The following MRPS5 variants were observed in gnomAD, a reference collection of about 807,000 sequenced individuals.
The protein encoded by MRPS5 is small ribosomal subunit protein uS5m.
In MRPS5, 27 loss-of-function variants were observed where a neutral mutation model predicts 51.9. The ratio of observed to expected loss-of-function variants is 0.52; its 90% CI spans 0.38 to 0.72. The LOEUF (loss-of-function observed/expected upper bound fraction) is 0.72, where lower values mean the gene tolerates loss of function less well. MRPS5 is among the 30% of genes least tolerant of loss of function. MRPS5 has a pLI of 0.00. For synonymous variants in MRPS5, 196 were observed against 193.2 expected (o/e 1.01, Z -0.12); for missense variants, 570 against 545.7 (o/e 1.04, Z -0.44).
intron 10 of MRPS5, among the ~76,000 whole-genome samples, chr2:95,094,745 AG>A (rs1675571200): frequency 6.6e-6 from 1 of 152,262 alleles, no homozygotes; most frequent in African/African-American, 2.4e-5. Context: ...CAACATGGAA[AG>A]GAACAACCGG....
At chr2:95,121,712 C>A in intron 1 of MRPS5, 22 bp downstream of exon 1, 1 of 1,531,664 alleles carries the variant, frequency 6.5e-7, no homozygotes, top group Non-Finnish European at 8.7e-7. Flanking sequence ...AGAGCCCCTG[C>A]TCCCGGCGTC....
At position 95,087,298 on chromosome 2, in the gene MRPS5, G is replaced by A; in HGVS notation, c.*59C>T. 7.4e-7 allele frequency: 1 copy of A among 1,358,956 alleles called. No homozygotes were observed. The highest frequency in any genetic ancestry group is 1.0e-6 in the Non-Finnish European group (1 of 960,838). 84.2% of individuals were successfully genotyped at this position (1,358,956 alleles called of 1,614,324 possible). On this transcript the variant is annotated 3_prime_UTR_variant, in exon 12 of 12. Transcript: ENST00000272418. ...CAAGGTAACATCCCAAGCTGTGAGG[G>A]GCTGAGTCTCTCCTAGGTGCAGGGC...
At chr2:95,092,623 T>C (rs1675501183) in intron 10 of MRPS5, 1 of 152,176 alleles carries the variant, frequency 6.6e-6, no homozygotes, top group Non-Finnish European at 1.5e-5. Context: ...CCCCGATACA[T>C]AGGTAATGGT....
At chr2:95,101,638 C>A (rs769823232) in intron 8 of MRPS5, 39 bp downstream of exon 8, 1 of 1,529,230 alleles carries the variant, frequency 6.5e-7, no homozygotes, top group Non-Finnish European at 8.9e-7. Flanking sequence ...ACTTACTAAT[C>A]TTTTACTGAG....
intron 1 of MRPS5, 30 bp from the exon 2 acceptor site, chr2:95,117,975 T>A: frequency 1.3e-6 from 2 of 1,487,070 alleles, no homozygotes; most frequent in Non-Finnish European, 1.8e-6. Flanking sequence ...AAATTTAAGA[T>A]ACATTTCTAC....
At chr2:95,101,813 T>C (rs1043573782) in intron 7 of MRPS5, 90 bp from the exon 8 acceptor site, 2 of 768,452 alleles carry the variant, frequency 2.6e-6, no homozygotes, top group Non-Finnish European at 4.3e-6. Flanking sequence ...CCTACAATAT[T>C]TCACAGCACT....
At chr2:95,121,836 G>A (rs761532488), upstream of MRPS5, 1 of 1,502,510 alleles carries the variant, frequency 6.7e-7, no homozygotes, top group South Asian at 1.3e-5. Flanking sequence ...GGGCAGCCTT[G>A]CCCACCGCCT....
chr2:95,120,535 A>G (rs1455996293), intron 1 of MRPS5, among the ~76,000 whole-genome samples: 2 of 152,166 alleles, frequency 1.3e-5, no homozygotes, highest in Non-Finnish European at 2.9e-5. Flanking sequence ...TATACTAAAA[A>G]CCACTGAAAT....
intron 2 of MRPS5, among the ~76,000 whole-genome samples, chr2:95,116,260 C>T (rs1486615688): frequency 1.3e-5 from 2 of 151,024 alleles, no homozygotes; most frequent in Non-Finnish European, 2.9e-5. Context: ...TAACTTAATA[C>T]TAAATATTAA....
intron 11 of MRPS5, among the ~76,000 whole-genome samples, chr2:95,089,419 T>G (rs1347018588): frequency 2.0e-5 from 3 of 152,150 alleles, no homozygotes; most frequent in Non-Finnish European, 2.9e-5. Flanking sequence ...CTGGTTGTCT[T>G]TTCTGTTCAT....
At chr2:95,111,309 T>TA (rs1255723518) in intron 3 of MRPS5, among the ~76,000 whole-genome samples, 1 of 152,164 alleles carries the variant, frequency 6.6e-6, no homozygotes, top group Non-Finnish European at 1.5e-5. Context: ...CTCTAAGTGC[T>TA]AAAAAATGGT....
At chr2:95,087,651 A>C in intron 11 of MRPS5, 70 bp from the exon 12 acceptor site, 1 of 1,277,834 alleles carries the variant, frequency 7.8e-7, no homozygotes, top group Non-Finnish European at 1.1e-6. Flanking sequence ...AGGAACTTCC[A>C]CAGGCCACAA....
intron 4 of MRPS5, among the ~76,000 whole-genome samples, chr2:95,108,687 C>A (rs998662062): frequency 2.6e-5 from 4 of 152,158 alleles, no homozygotes; most frequent in African/African-American, 9.7e-5. Context: ...GCAACTAATA[C>A]AAATGTCCAG....
intron 10 of MRPS5, 93 bp downstream of exon 10, chr2:95,100,381 T>A: frequency 2.2e-6 from 2 of 910,428 alleles, no homozygotes; most frequent in East Asian, 2.5e-5. Context: ...CCAAGATGAG[T>A]TCAACTAAAG....
chr2:95,115,687 C>A (rs1033361907), intron 2 of MRPS5, among the ~76,000 whole-genome samples: 11 of 152,062 alleles, frequency 7.2e-5, no homozygotes, highest in African/African-American at 2.7e-4. Flanking sequence ...TATGTAAGAA[C>A]CTGGAAACAA....
At position 95,087,189 on chromosome 2, in the gene MRPS5, T is replaced by C. The variant is rs1675316014; in HGVS notation, c.*168A>G. ...GTAAAGGTTCTATCACATTGGCATA[T>C]AACATGTGCTCAACAAATGAAAGCT... On this transcript the variant is annotated 3_prime_UTR_variant, in exon 12 of 12. Coordinates refer to ENST00000272418, the MANE Select transcript of MRPS5 (RefSeq NM_031902.5). 3.4e-6 allele frequency: 2 copies of C among 583,594 alleles called. No individual in the cohort carries two copies. Among genetic ancestry groups the C allele is most frequent in the East Asian group, 5.6e-5 (2 of 35,602 alleles). The allele number at this position is 583,594 out of a possible 1,614,324, so 36.2% of individuals were successfully genotyped here. A position where few individuals can be genotyped will look rare whatever the true frequency, so the allele number is the denominator to read the frequency against.
chr2:95,093,791 A>C (rs1386847000), intron 10 of MRPS5: 1 of 152,242 alleles, frequency 6.6e-6, no homozygotes, highest in Non-Finnish European at 1.5e-5. Context: ...CAGAGCAGAA[A>C]ACCTGAAAAT....
At chr2:95,114,847 C>G (rs1438406453) in intron 3 of MRPS5, among the ~76,000 whole-genome samples, 1 of 152,104 alleles carries the variant, frequency 6.6e-6, no homozygotes, top group East Asian at 1.9e-4. Flanking sequence ...GCCTCAGGTG[C>G]CCCAAACAAG....
chr2:95,105,545 G>GA (rs775393852), intron 6 of MRPS5, among the ~76,000 whole-genome samples: 221 of 135,056 alleles, frequency 1.6e-3, no homozygotes, highest in East Asian at 5.5e-3. Flanking sequence ...CTCCACCTCA[G>GA]AAAAAAAAAA....
Sources: gnomAD v4.1 joint callset for allele counts (sites outside exome capture counted in the v4.1 genomes callset) on GRCh38, gnomAD v4.1.1 for gene constraint, MANE v1.5 for transcripts, NCBI Gene and HGNC (gene_info 2026-07-23, HGNC 2026-07-21) for gene names.